The following ZC2HC1B variants were observed in gnomAD, a reference collection of about 807,000 sequenced individuals.
ZC2HC1B encodes zinc finger C2HC domain-containing protein 1B.
ZC2HC1B carries 36 observed loss-of-function variants against 31.0 expected under a neutral mutation model. That is an observed-to-expected ratio of 1.16 (90% CI 0.89 to 1.54). The LOEUF (loss-of-function observed/expected upper bound fraction) is 1.54. Ranked by LOEUF, ZC2HC1B falls within the 40% of genes most tolerant of loss-of-function variation. The pLI, the probability that ZC2HC1B is intolerant of heterozygous loss-of-function variation, is 0.00. For synonymous variants in ZC2HC1B, 73 were observed against 88.0 expected, an observed-to-expected ratio of 0.83 and a Z score of 0.95; for missense variants, 260 against 268.6, an observed-to-expected ratio of 0.97 and a Z score of 0.22.
rs1777499204 is a variant in ZC2HC1B, at chr6:143,883,849, T to C, written c.29-455T>C. On this transcript the variant is annotated intron_variant, in intron 1 of 7. Transcript: ENST00000237275. This position sits in a 1 kb window ranked among gnomAD's most constrained non-coding sequence, Gnocchi z 4.1. ...TTGGCCCATGCATTCAACCAATACC[T>C]TGAGTACCTTACTATGGGTCAAGTA... Among the ~76,000 whole-genome samples the C allele has an allele frequency of 6.6e-6, 1 of 152,156 alleles. No homozygotes were observed. Among genetic ancestry groups the C allele is most frequent in the South Asian group, 2.1e-4 (1 of 4,832 alleles).
In ZC2HC1B at chr6:143,911,903, A is replaced by T. The variant is rs1777861867; in HGVS notation, c.598+8751A>T. Reference sequence around the variant, plus strand: ...TCTCTCTGTCTCTTTCAGGTACCCCAATCAGTTGTAGATTTGGTCTCTTTA... The same window carrying T: ...TCTCTCTGTCTCTTTCAGGTACCCCTATCAGTTGTAGATTTGGTCTCTTTA... On this transcript the variant is annotated intron_variant, in intron 6 of 7. Transcript: ENST00000237275. This position sits in a 1 kb window ranked among gnomAD's most constrained non-coding sequence, Gnocchi z 4.5. Among the ~76,000 whole-genome samples, 1 of 152,100 alleles carries T rather than the reference A, an allele frequency of 6.6e-6. No homozygotes were observed. Among genetic ancestry groups the T allele is most frequent in the African/African-American group, 2.4e-5 (1 of 41,408 alleles).
At chr6:143,935,162 A>G (rs1016429394) in intron 6 of ZC2HC1B, among the ~76,000 whole-genome samples, 11 of 142,468 alleles carry the variant, frequency 7.7e-5, no homozygotes, top group Admixed American at 7.1e-4. Flanking sequence ...CTCCAAGTCC[A>G]TGGATGATGT....
In ZC2HC1B at chr6:143,885,263, A is replaced by C. The variant is rs1395439744; in HGVS notation, c.91-769A>C. 6.6e-6 allele frequency among the ~76,000 whole-genome samples: 1 copy of C among 152,168 alleles called. No individual in the cohort carries two copies. The highest frequency in any genetic ancestry group is 1.9e-4 in the East Asian group (1 of 5,196). ...TGTGGTTAGAGCCTCCTGAAACTAG[A>C]GGGAGAGCTTGCGGGGCTGGTTGTG... On this transcript the variant is annotated intron_variant, in intron 2 of 7. Transcript: ENST00000237275. This position sits in a 1 kb window ranked among gnomAD's most constrained non-coding sequence, Gnocchi z 4.2.
chr6:143,877,272 C>CTTTTTTTTTTTTTTTTTTTTT (rs34994479), intron 1 of ZC2HC1B, among the ~76,000 whole-genome samples: 2 of 42,578 alleles, frequency 4.7e-5, no homozygotes, highest in African/African-American at 1.2e-4. Context: ...TTTTTAATTT[C>CTTTTTTTTTTTTTTTTTTTTT]TTTTTTTTTT....
At chr6:143,931,296 T>C (rs981074463) in intron 6 of ZC2HC1B, among the ~76,000 whole-genome samples, 1 of 152,254 alleles carries the variant, frequency 6.6e-6, no homozygotes, top group African/African-American at 2.4e-5. Flanking sequence ...ATTTAGGCCA[T>C]TTACATTCAG....
In ZC2HC1B at chr6:143,934,525, T is replaced by A. The variant is rs1279061587; in HGVS notation, c.599-3124T>A. ...TCATATTTTCTTGCATTTTTATGTT[T>A]CTTGTGTTCCTATGCCAATATCTCT... On this transcript the variant is annotated intron_variant, in intron 6 of 7. Transcript: ENST00000237275. This position sits in a 1 kb window ranked among gnomAD's most constrained non-coding sequence, Gnocchi z 4.6. Among the ~76,000 whole-genome samples, 1 of 152,250 alleles carries A rather than the reference T, an allele frequency of 6.6e-6. No individual in the cohort carries two copies. Among genetic ancestry groups the A allele is most frequent in the African/African-American group, 2.4e-5 (1 of 41,460 alleles).
intron 1 of ZC2HC1B, among the ~76,000 whole-genome samples, chr6:143,881,074 C>T (rs1777460483): frequency 1.3e-5 from 2 of 152,176 alleles, no homozygotes; most frequent in Non-Finnish European, 2.9e-5. Context: ...AGAATCACAA[C>T]CACCTTCCAC....
intron 1 of ZC2HC1B, among the ~76,000 whole-genome samples, chr6:143,875,407 C>G (rs1777394180): frequency 7.2e-6 from 1 of 138,038 alleles, no homozygotes; most frequent in Non-Finnish European, 1.6e-5. Flanking sequence ...CCAGCTTGCT[C>G]CCAGTGGGCC....
At chr6:143,936,494 G>A (rs1196067990) in intron 6 of ZC2HC1B, among the ~76,000 whole-genome samples, 2 of 152,160 alleles carry the variant, frequency 1.3e-5, no homozygotes, top group South Asian at 2.1e-4. Flanking sequence ...GGCTCTTCTC[G>A]CATTCCTAAA....
rs1777327718 is a variant in ZC2HC1B, at chr6:143,870,849, G to A, written c.28+6282G>A. On this transcript the variant is annotated intron_variant, in intron 1 of 7. Coordinates refer to ENST00000237275, the MANE Select transcript of ZC2HC1B (RefSeq NM_001013623.3). The surrounding 1 kb of genome is among the most constrained non-coding windows in gnomAD (Gnocchi z 4.7). The stretch of plus-strand genomic sequence containing the variant: ...CCTCAAGTACCATTGGATCTGCTGG[G>A]TCATATGGCCCAATTGACAGAGCAG... Among the ~76,000 whole-genome samples, 1 of 152,174 alleles carries A rather than the reference G, an allele frequency of 6.6e-6. No individual in the cohort carries two copies. Among genetic ancestry groups the A allele is most frequent in the South Asian group, 2.1e-4 (1 of 4,826 alleles).
At chr6:143,881,375 A>AC (rs879343644) in intron 1 of ZC2HC1B, among the ~76,000 whole-genome samples, 14 of 151,704 alleles carry the variant, frequency 9.2e-5, no homozygotes, top group Middle Eastern at 6.8e-3. Context: ...ATATAGTGAG[A>AC]CCCCGTCTCC....
rs1267539257 is a variant in ZC2HC1B, at chr6:143,883,162, C to T, written c.29-1142C>T. Among the ~76,000 whole-genome samples the T allele has an allele frequency of 6.6e-6, 1 of 152,158 alleles. No individual in the cohort carries two copies. Among genetic ancestry groups the T allele is most frequent in the African/African-American group, 2.4e-5 (1 of 41,436 alleles). On this transcript the variant is annotated intron_variant, in intron 1 of 7. Transcript: ENST00000237275. The surrounding 1 kb of genome is among the most constrained non-coding windows in gnomAD (Gnocchi z 4.1). The stretch of plus-strand genomic sequence containing the variant: ...TCAAGTGATCCTCTCACCTCAGCCT[C>T]CTGAGTAGCTGGGACCACAGGCGCG...
rs1050062858 is a variant in ZC2HC1B, at chr6:143,895,421, C to G, written c.350-3131C>G. On this transcript the variant is annotated intron_variant, in intron 4 of 7. Coordinates refer to ENST00000237275, the MANE Select transcript of ZC2HC1B (RefSeq NM_001013623.3). This position sits in a 1 kb window ranked among gnomAD's most constrained non-coding sequence, Gnocchi z 4.8. ...CAGGTAATGCACATGCCTCGGCCTC[C>G]CAAAGTGCTGGGATTACAGGCATGA... Among the ~76,000 whole-genome samples, 2 of 152,132 alleles carry G rather than the reference C, an allele frequency of 1.3e-5. No individual in the cohort carries two copies. Among genetic ancestry groups the G allele is most frequent in the Non-Finnish European group, 2.9e-5 (2 of 68,030 alleles).
At chr6:143,874,273 T>A (rs1199375535) in intron 1 of ZC2HC1B, among the ~76,000 whole-genome samples, 3 of 152,206 alleles carry the variant, frequency 2.0e-5, no homozygotes, top group South Asian at 4.1e-4. Flanking sequence ...ATTGTTCATA[T>A]CACCATCAGC....
intron 1 of ZC2HC1B, chr6:143,881,608 A>G (rs2128493755): frequency 6.6e-6 from 1 of 150,456 alleles, no homozygotes; most frequent in South Asian, 2.1e-4. Context: ...GCTGAGCAGT[A>G]TTCCAGGCTA....
At position 143,934,604 on chromosome 6, in the gene ZC2HC1B, A is replaced by T. The variant is rs1428761012; in HGVS notation, c.599-3045A>T. The stretch of plus-strand genomic sequence containing the variant: ...ATTTTTGAATTGGCCTTCATAGGAA[A>T]GACTTCTTCCTACATATGTATCTAT... On this transcript the variant is annotated intron_variant, in intron 6 of 7. Transcript: ENST00000237275. The surrounding 1 kb of genome is among the most constrained non-coding windows in gnomAD (Gnocchi z 4.6). Among the ~76,000 whole-genome samples the T allele has an allele frequency of 6.6e-6, 1 of 152,220 alleles. No homozygotes were observed. The highest frequency in any genetic ancestry group is 2.4e-5 in the African/African-American group (1 of 41,452).
In ZC2HC1B at chr6:143,918,549, GT is replaced by G. The variant is rs2128496676; in HGVS notation, c.598+15400del. On this transcript the variant is annotated intron_variant, in intron 6 of 7. Transcript: ENST00000237275. This position sits in a 1 kb window ranked among gnomAD's most constrained non-coding sequence, Gnocchi z 4.1. Reference sequence around the variant, plus strand: ...TGTGTCTCAGTGTTGGTCTCTTTGAGTTTGTCTTACTTTTAGTTTTTGAATG... The same window carrying G: ...TGTGTCTCAGTGTTGGTCTCTTTGAGTTGTCTTACTTTTAGTTTTTGAATG... Among the ~76,000 whole-genome samples, 1 of 152,132 alleles carries G rather than the reference GT, an allele frequency of 6.6e-6. No individual in the cohort carries two copies. Among genetic ancestry groups the G allele is most frequent in the African/African-American group, 2.4e-5 (1 of 41,518 alleles).
rs1257561748 is a variant in ZC2HC1B, at chr6:143,921,136, AAC to A, written c.599-16510_599-16509del. Among the ~76,000 whole-genome samples, 1 of 152,126 alleles carries A rather than the reference AAC, an allele frequency of 6.6e-6. No individual in the cohort carries two copies. Among genetic ancestry groups the A allele is most frequent in the Non-Finnish European group, 1.5e-5 (1 of 68,024 alleles). On this transcript the variant is annotated intron_variant, in intron 6 of 7. Coordinates refer to ENST00000237275, the MANE Select transcript of ZC2HC1B (RefSeq NM_001013623.3). This position sits in a 1 kb window ranked among gnomAD's most constrained non-coding sequence, Gnocchi z 6.1. Reference sequence around the variant, plus strand: ...GGCTGCCCCCTCTGCTGAAAACAAAAACACTCTCCCAGTAATCTGCACTGCTC... The same window carrying A: ...GGCTGCCCCCTCTGCTGAAAACAAAAACTCTCCCAGTAATCTGCACTGCTC...
At position 143,903,006 on chromosome 6, in the gene ZC2HC1B, A is replaced by T. The variant is rs1480539635; in HGVS notation, c.490-38A>T. ...ATGTGGCACCTGAGGTTACATACAGAAGGTGTTCTCTTTGTCTCTTTCTTT... is the reference window on the plus strand; with the variant it reads ...ATGTGGCACCTGAGGTTACATACAGTAGGTGTTCTCTTTGTCTCTTTCTTT... On this transcript the variant is annotated intron_variant, in intron 5 of 7. Coordinates refer to ENST00000237275, the MANE Select transcript of ZC2HC1B (RefSeq NM_001013623.3). This position sits in a 1 kb window ranked among gnomAD's most constrained non-coding sequence, Gnocchi z 4.3. The T allele has an allele frequency of 6.5e-7, 1 of 1,540,356 alleles. No homozygotes were observed. The highest frequency in any genetic ancestry group is 8.8e-7 in the Non-Finnish European group (1 of 1,137,192).
Sources: allele counts gnomAD v4.1 joint callset (sites outside exome capture counted in the v4.1 genomes callset), GRCh38; gene constraint gnomAD v4.1.1; non-coding constraint Gnocchi (gnomAD v3.1); transcripts MANE v1.5; gene names NCBI Gene and HGNC (gene_info 2026-07-23, HGNC 2026-07-21).